GNAT3: variants seen among roughly 807,000 people sequenced by gnomAD.
The protein encoded by GNAT3 is guanine nucleotide-binding protein G(t) subunit alpha-3.
In GNAT3, 31 loss-of-function variants were observed where a neutral mutation model predicts 37.7. That is an observed-to-expected ratio of 0.82 (90% CI 0.62 to 1.11). GNAT3 has a LOEUF of 1.11. Among genes scored for constraint, GNAT3 ranks in the 50% most tolerant of loss-of-function variants. The probability of loss-of-function intolerance (pLI) is 0.00; values close to 1 mark genes in which losing one functional copy is unlikely to be tolerated. For synonymous variants in GNAT3, 138 were observed against 139.8 expected (o/e 0.99, Z 0.09); for missense variants, 437 against 412.5 (o/e 1.06, Z -0.51).
intron 4 of GNAT3, 99 bp downstream of exon 4, chr7:80,478,742 A>G: frequency 2.6e-6 from 3 of 1,168,152 alleles, no homozygotes; most frequent in Non-Finnish European, 3.7e-6. Context: ...AACACCATTT[A>G]TTTTCCTCAT....
chr7:80,489,592 A>T (rs528598211), intron 2 of GNAT3, among the ~76,000 whole-genome samples: 1 of 152,118 alleles, frequency 6.6e-6, no homozygotes, highest in Non-Finnish European at 1.5e-5. Context: ...CTATACAAGA[A>T]ATCTGAACTG....
chr7:80,476,799 C>A (rs986270879), intron 4 of GNAT3, among the ~76,000 whole-genome samples: 1 of 151,116 alleles, frequency 6.6e-6, no homozygotes, highest in Admixed American at 6.6e-5. Flanking sequence ...TGGAAGAAAG[C>A]AATGACCATT....
intron 2 of GNAT3, among the ~76,000 whole-genome samples, chr7:80,493,913 C>T (rs11975442): frequency 0.094 from 13,028 of 139,180 alleles, 2,421 homozygotes; most frequent in African/African-American, 0.33. Context: ...ACCTCCTCCT[C>T]CTTTCCTCCT....
At chr7:80,473,324 C>T (rs1790250209) in intron 5 of GNAT3, among the ~76,000 whole-genome samples, 1 of 152,082 alleles carries the variant, frequency 6.6e-6, no homozygotes, top group Admixed American at 6.6e-5. Context: ...AGGTATTCTA[C>T]TTAGATATTA....
At chr7:80,496,526 T>C (rs979644290) in intron 1 of GNAT3, among the ~76,000 whole-genome samples, 9 of 152,316 alleles carry the variant, frequency 5.9e-5, no homozygotes, top group Middle Eastern at 6.8e-3. Context: ...TCCTAACACT[T>C]TTCTTCTTCT....
chr7:80,493,230 C>T (rs1037153118), intron 2 of GNAT3, among the ~76,000 whole-genome samples: 7 of 151,940 alleles, frequency 4.6e-5, no homozygotes, highest in African/African-American at 1.2e-4. Context: ...ATGATCACAG[C>T]CTGGGAGACA....
At chr7:80,461,500 A>G (rs754988285) in intron 7 of GNAT3, among the ~76,000 whole-genome samples, 1 of 152,194 alleles carries the variant, frequency 6.6e-6, no homozygotes, top group Non-Finnish European at 1.5e-5. Context: ...AGCCTGAGCG[A>G]CAGAGCGAGA....
Position 80,458,666 on chromosome 7 carries a change from G to A in GNAT3, c.*5C>T. 2 of 1,487,962 alleles carry A rather than the reference G, an allele frequency of 1.3e-6. No individual in the cohort carries two copies. Among genetic ancestry groups the A allele is most frequent in the African/African-American group, 1.4e-5 (1 of 70,020 alleles). The allele number at this position is 1,487,962 out of a possible 1,614,324, so 92.2% of individuals were successfully genotyped here. A position where few individuals can be genotyped will look rare whatever the true frequency, so the allele number is the denominator to read the frequency against. ...ATGAGCAAGAGTGGAAGAGAAAATA[G>A]TTGATTAGAAAAGCCCACAGTCTTT... On this transcript the variant is annotated 3_prime_UTR_variant, in exon 8 of 8. Transcript: ENST00000398291.
chr7:80,504,069 A>G (rs183066298), intron 1 of GNAT3, among the ~76,000 whole-genome samples: 133 of 152,320 alleles, frequency 8.7e-4, no homozygotes, highest in African/African-American at 2.9e-3. Flanking sequence ...TAATTCCAGC[A>G]CTTTGGGAGG....
chr7:80,497,098 A>C (rs2116212684), intron 1 of GNAT3, among the ~76,000 whole-genome samples: 1 of 152,330 alleles, frequency 6.6e-6, no homozygotes, highest in African/African-American at 2.4e-5. Context: ...CAAAGTTGAT[A>C]GATGCAAAAA....
intron 1 of GNAT3, among the ~76,000 whole-genome samples, chr7:80,500,319 A>G (rs1469460064): frequency 6.6e-6 from 1 of 151,910 alleles, no homozygotes; most frequent in Non-Finnish European, 1.5e-5. Context: ...CCTCCCACAA[A>G]CCACGTGTAT....
chr7:80,501,105 G>C (rs1158827479), intron 1 of GNAT3, among the ~76,000 whole-genome samples: 1 of 151,994 alleles, frequency 6.6e-6, no homozygotes, highest in Non-Finnish European at 1.5e-5. Context: ...CTGTTTGATA[G>C]AATTCCCTTA....
At chr7:80,497,713 G>A (rs751366728) in intron 1 of GNAT3, among the ~76,000 whole-genome samples, 1 of 151,136 alleles carries the variant, frequency 6.6e-6, no homozygotes, top group East Asian at 1.9e-4. Context: ...ACAGAGCAGT[G>A]GGGATGTGGA....
intron 1 of GNAT3, among the ~76,000 whole-genome samples, chr7:80,497,524 TTCTC>T (rs1322909890): frequency 6.7e-6 from 1 of 149,938 alleles, no homozygotes; most frequent in Admixed American, 6.6e-5. Context: ...AATATCTTGT[TTCTC>T]TCTCTATATA....
At chr7:80,485,787 T>A (rs1790468373) in intron 3 of GNAT3, among the ~76,000 whole-genome samples, 1 of 152,210 alleles carries the variant, frequency 6.6e-6, no homozygotes, top group African/African-American at 2.4e-5. Flanking sequence ...AAAATGTACA[T>A]TCTATAATAC....
rs188532645 is a variant in GNAT3, at chr7:80,487,383, G to C, written c.303+1152C>G. On this transcript the variant is annotated intron_variant, in intron 3 of 7. Transcript: ENST00000398291. ...AAACTGTGGAGAAAGCTAGAAATGGGAATCAGTAAAATACCTGACTCCTTG... is the reference window on the plus strand; with the variant it reads ...AAACTGTGGAGAAAGCTAGAAATGGCAATCAGTAAAATACCTGACTCCTTG... Among the ~76,000 whole-genome samples the C allele has an allele frequency of 3.3e-3, 507 of 152,224 alleles. 1 individual carries two copies. The highest frequency in any genetic ancestry group is 3.7e-3 in the Non-Finnish European group (254 of 67,998).
intron 1 of GNAT3, among the ~76,000 whole-genome samples, chr7:80,506,393 T>C (rs894317447): frequency 1.3e-5 from 2 of 152,182 alleles, no homozygotes; most frequent in African/African-American, 4.8e-5. Flanking sequence ...TTGAGATAAA[T>C]GCATCTAAAA....
At chr7:80,486,819 T>G (rs75482678) in intron 3 of GNAT3, among the ~76,000 whole-genome samples, 9,744 of 151,914 alleles carry the variant, frequency 0.064, 380 homozygotes, top group Non-Finnish European at 0.091. Context: ...TTTCACAAAC[T>G]CTGGGTTCTA....
intron 7 of GNAT3, among the ~76,000 whole-genome samples, chr7:80,461,660 GCTGA>G (rs62910363): frequency 0.023 from 3,423 of 151,916 alleles, 122 homozygotes; most frequent in African/African-American, 0.077. Flanking sequence ...ACTTACAATC[GCTGA>G]CTAACAGGAT....
Sources: allele counts gnomAD v4.1 joint callset (sites outside exome capture counted in the v4.1 genomes callset), GRCh38; gene constraint gnomAD v4.1.1; transcripts MANE v1.5; gene names NCBI Gene and HGNC (gene_info 2026-07-23, HGNC 2026-07-21).